ADAMTSL3: variants seen among roughly 807,000 people sequenced by gnomAD.
The protein encoded by ADAMTSL3 is ADAMTS-like protein 3.
A neutral mutation model predicts 201.7 loss-of-function variants in ADAMTSL3; 128 were observed. The observed-to-expected ratio is 0.63, with a 90% CI of 0.55 to 0.73. The LOEUF (loss-of-function observed/expected upper bound fraction) is 0.73. Among genes scored for constraint, ADAMTSL3 ranks in the 30% least tolerant of loss-of-function variants. The pLI is 0.00. For synonymous variants in ADAMTSL3, 738 were observed against 748.4 expected (o/e 0.99, Z 0.23); for missense variants, 1,990 against 2,119.6 (o/e 0.94, Z 1.20).
chr15:84,013,242 G>C (rs1171176614), intron 23 of ADAMTSL3, among the ~76,000 whole-genome samples: 3 of 152,198 alleles, frequency 2.0e-5, no homozygotes, highest in Non-Finnish European at 2.9e-5. Flanking sequence ...TCAATTGTGA[G>C]ATACAGCTAA....
intron 3 of ADAMTSL3, among the ~76,000 whole-genome samples, chr15:83,712,926 G>A (rs1286256282): frequency 1.3e-5 from 2 of 152,056 alleles, no homozygotes; most frequent in African/African-American, 4.8e-5. Context: ...TCTAATCTCA[G>A]ACCCTTCTCC....
intron 3 of ADAMTSL3, among the ~76,000 whole-genome samples, chr15:83,758,593 T>C (rs971448602): frequency 1.3e-5 from 2 of 152,236 alleles, no homozygotes; most frequent in African/African-American, 4.8e-5. Flanking sequence ...TATGAAGTGG[T>C]ATCTCCTTTA....
intron 6 of ADAMTSL3, among the ~76,000 whole-genome samples, chr15:83,826,577 T>C (rs1026055534): frequency 6.6e-6 from 1 of 151,980 alleles, no homozygotes; most frequent in Non-Finnish European, 1.5e-5. Context: ...TTGTTACATA[T>C]GTATACATGT....
intron 6 of ADAMTSL3, among the ~76,000 whole-genome samples, chr15:83,829,156 T>G (rs958365750): frequency 5.9e-5 from 9 of 152,234 alleles, no homozygotes; most frequent in African/African-American, 9.6e-5. Context: ...CATCTGGTCC[T>G]GGACTTTTTT....
intron 23 of ADAMTSL3, among the ~76,000 whole-genome samples, chr15:83,991,975 G>A (rs897973673): frequency 2.6e-5 from 4 of 152,140 alleles, no homozygotes; most frequent in Admixed American, 6.5e-5. Context: ...TGTGAATAGC[G>A]TTTTATTGCT....
chr15:83,984,040 A>G (rs1336267349), intron 21 of ADAMTSL3, among the ~76,000 whole-genome samples: 1 of 152,242 alleles, frequency 6.6e-6, no homozygotes. Flanking sequence ...ATTAAGTCAC[A>G]TATTATTCTG....
At chr15:83,900,244 C>A (rs1012802340) in intron 15 of ADAMTSL3, among the ~76,000 whole-genome samples, 2 of 152,184 alleles carry the variant, frequency 1.3e-5, no homozygotes, top group African/African-American at 2.4e-5. Context: ...GTCTTATTCT[C>A]CTTACCTATA....
intron 3 of ADAMTSL3, among the ~76,000 whole-genome samples, chr15:83,752,250 A>AT (rs1262293309): frequency 6.6e-6 from 1 of 152,058 alleles, no homozygotes; most frequent in African/African-American, 2.4e-5. Flanking sequence ...TCGTTTTCAC[A>AT]TTTTTTGGTA....
At chr15:84,005,836 G>C (rs926951105) in intron 23 of ADAMTSL3, among the ~76,000 whole-genome samples, 1 of 152,086 alleles carries the variant, frequency 6.6e-6, no homozygotes, top group Non-Finnish European at 1.5e-5. Context: ...AATTGATTGG[G>C]GAACAGATTA....
intron 25 of ADAMTSL3, among the ~76,000 whole-genome samples, chr15:84,020,714 A>T (rs1409655228): frequency 6.6e-6 from 1 of 152,136 alleles, no homozygotes; most frequent in African/African-American, 2.4e-5. Context: ...GTCCTACCTC[A>T]TCTTTTGCTG....
chr15:83,934,427 A>T (rs1366992810), intron 17 of ADAMTSL3, among the ~76,000 whole-genome samples: 1 of 152,214 alleles, frequency 6.6e-6, no homozygotes, highest in Non-Finnish European at 1.5e-5. Context: ...CTAGGAAGTA[A>T]CTAACTTGAT....
intron 16 of ADAMTSL3, among the ~76,000 whole-genome samples, chr15:83,922,056 A>G (rs1341465598): frequency 6.6e-6 from 1 of 152,248 alleles, no homozygotes; most frequent in Admixed American, 6.5e-5. Context: ...TCCTAAATTC[A>G]TAGTTGTAAT....
At chr15:84,037,141 C>G in intron 29 of ADAMTSL3, 154 bp downstream of exon 29, 1 of 801,874 alleles carries the variant, frequency 1.2e-6, no homozygotes, top group South Asian at 1.8e-5. Context: ...CTTGGGACAT[C>G]AGGGGATGAA....
Position 83,782,255 on chromosome 15 carries a change from T to G in ADAMTSL3, c.317+8605T>G, listed in dbSNP as rs1252824923. ...ACTTTGGGAGGCTGAGGTGGGTGGATCACTTGAGGTCAGGAGTTCCAGACC... is the reference window on the plus strand; with the variant it reads ...ACTTTGGGAGGCTGAGGTGGGTGGAGCACTTGAGGTCAGGAGTTCCAGACC... On this transcript the variant is annotated intron_variant, in intron 4 of 29. Transcript: ENST00000286744. Among the ~76,000 whole-genome samples, 4 of 152,196 alleles carry G rather than the reference T, an allele frequency of 2.6e-5. No homozygotes were observed. The East Asian group carries it at 7.7e-4, about 29-fold the overall frequency.
intron 25 of ADAMTSL3, among the ~76,000 whole-genome samples, chr15:84,017,618 G>A (rs2068111178): frequency 6.6e-6 from 1 of 152,086 alleles, no homozygotes; most frequent in South Asian, 2.1e-4. Context: ...GCACAGAAGG[G>A]GAAAACAGTG....
intron 19 of ADAMTSL3, chr15:83,962,257 C>T (rs1305626288): frequency 6.6e-6 from 1 of 152,160 alleles, no homozygotes; most frequent in Non-Finnish European, 1.5e-5. Flanking sequence ...AAACCTCTTT[C>T]CTTTATAACT....
chr15:83,892,630 A>T (rs2065531023), intron 12 of ADAMTSL3, 54 bp from the exon 13 acceptor site: 7 of 1,541,998 alleles, frequency 4.5e-6, no homozygotes, highest in African/African-American at 1.4e-5. Flanking sequence ...CCATCTTTGC[A>T]AACTTCAAAC....
intron 9 of ADAMTSL3, among the ~76,000 whole-genome samples, chr15:83,882,208 A>C (rs993069855): frequency 6.6e-6 from 1 of 152,188 alleles, no homozygotes; most frequent in African/African-American, 2.4e-5. Flanking sequence ...GGAAAATTTT[A>C]GGCAGCATTT....
intron 3 of ADAMTSL3, among the ~76,000 whole-genome samples, chr15:83,711,679 A>G (rs1044793055): frequency 6.6e-6 from 1 of 152,256 alleles, no homozygotes; most frequent in Non-Finnish European, 1.5e-5. Context: ...CGTGTAGCAA[A>G]TGCATGAATA....
Sources: gnomAD v4.1 joint callset for allele counts (sites outside exome capture counted in the v4.1 genomes callset) on GRCh38, gnomAD v4.1.1 for gene constraint, MANE v1.5 for transcripts, NCBI Gene and HGNC (gene_info 2026-07-23, HGNC 2026-07-21) for gene names.